The following TANC2 variants were observed in gnomAD, a reference collection of about 807,000 sequenced individuals.
TANC2 encodes the protein tetratricopeptide repeat, ankyrin repeat and coiled-coil containing 2.
TANC2 carries 26 observed loss-of-function variants against 210.5 expected under a neutral mutation model. That is an observed-to-expected ratio of 0.12 (90% CI 0.09 to 0.17). The LOEUF is 0.17. TANC2 is among the 10% of genes least tolerant of loss of function. The probability of loss-of-function intolerance (pLI) is 1.00; values close to 1 mark genes in which losing one functional copy is unlikely to be tolerated. For missense variants in TANC2, 2,129 were observed against 2,608.9 expected, an observed-to-expected ratio of 0.82 and a Z score of 4.01; for synonymous variants, 931 against 967.1, an observed-to-expected ratio of 0.96 and a Z score of 0.69.
chr17:63,307,781 T>G (rs2044973352), intron 9 of TANC2, among the ~76,000 whole-genome samples: 1 of 149,948 alleles, frequency 6.7e-6, no homozygotes, highest in African/African-American at 2.5e-5. Flanking sequence ...TTTTGTTGTT[T>G]TTGAGACAGA....
chr17:63,146,978 GCAA>G lies in TANC2; in HGVS notation c.323-4268_323-4266del, dbSNP rs564752153. On this transcript the variant is annotated intron_variant, in intron 4 of 27. Transcript: ENST00000689528. ...ATAACTTAGGACTCTTTAAAAAACA[GCAA>G]CAACAACAACAACAACAACAACACA... 3.2e-4 allele frequency among the ~76,000 whole-genome samples: 49 copies of G among 151,692 alleles called. 1 individual carries two copies. The highest frequency in any genetic ancestry group is 1.5e-3 in the South Asian group (7 of 4,802).
At chr17:63,197,307 T>C (rs962351420) in intron 6 of TANC2, among the ~76,000 whole-genome samples, 1 of 152,138 alleles carries the variant, frequency 6.6e-6, no homozygotes, top group Non-Finnish European at 1.5e-5. Context: ...TATACAAATT[T>C]AAAATATTAA....
intron 14 of TANC2, among the ~76,000 whole-genome samples, chr17:63,379,161 A>T (rs2047522590): frequency 6.6e-6 from 1 of 152,154 alleles, no homozygotes; most frequent in Non-Finnish European, 1.5e-5. Context: ...AAATCTTGTA[A>T]TGCCATCTGT....
chr17:63,358,543 C>T (rs2046857598), intron 14 of TANC2, among the ~76,000 whole-genome samples: 1 of 152,060 alleles, frequency 6.6e-6, no homozygotes, highest in Non-Finnish European at 1.5e-5. Flanking sequence ...TCTCTGTTTC[C>T]CACTGTTCAT....
chr17:63,279,644 A>T (rs1161052572), intron 9 of TANC2, among the ~76,000 whole-genome samples: 2 of 152,148 alleles, frequency 1.3e-5, no homozygotes, highest in African/African-American at 4.8e-5. Flanking sequence ...AGCACCTGTC[A>T]TATCACATAA....
chr17:63,420,826 G>A lies in TANC2; in HGVS notation c.5096G>A (p.Ser1699Asn). 1.2e-6 allele frequency: 2 copies of A among 1,613,990 alleles called. No individual in the cohort carries two copies. The highest frequency in any genetic ancestry group is 1.1e-5 in the South Asian group (1 of 91,082). Residue 1699 changes from serine to asparagine, a missense_variant, in exon 28 of 28, where the codon AGT becomes AAT. Ser to Asn is a conservative substitution (Grantham distance 46, BLOSUM62 1). Around this residue, in one of 5 missense-constraint regions of TANC2, gnomAD observed 584 missense variants for 627.3 expected, o/e 0.93. Coordinates refer to ENST00000689528, the Ensembl canonical transcript of TANC2. The surrounding 1 kb of genome is among the most constrained non-coding windows in gnomAD (Gnocchi z 4.2). Reference sequence around the variant, plus strand: ...CCTGCCAAGGCCCAGATTGTGAGAAGTAACCAGCCCAGCCCAGCCGTCCAT... The same window carrying A: ...CCTGCCAAGGCCCAGATTGTGAGAAATAACCAGCCCAGCCCAGCCGTCCAT...
At chr17:63,335,108 C>A (rs772448168) in intron 11 of TANC2, among the ~76,000 whole-genome samples, 1 of 152,186 alleles carries the variant, frequency 6.6e-6, no homozygotes, top group Non-Finnish European at 1.5e-5. Flanking sequence ...AATTACATTT[C>A]AGTCTGAGAT....
chr17:63,087,717 C>T (rs976410169), intron 3 of TANC2, among the ~76,000 whole-genome samples: 2 of 152,104 alleles, frequency 1.3e-5, no homozygotes, highest in Admixed American at 6.5e-5. Flanking sequence ...ACTGGGTCCC[C>T]TCAGAATTTT....
intron 3 of TANC2, among the ~76,000 whole-genome samples, chr17:63,082,371 C>G (rs1202621360): frequency 6.6e-6 from 1 of 152,072 alleles, no homozygotes; most frequent in Non-Finnish European, 1.5e-5. Context: ...AGAGTTGATA[C>G]ATTTTTTGTT....
At chr17:63,050,080 A>G (rs1480182500) in intron 2 of TANC2, among the ~76,000 whole-genome samples, 2 of 152,170 alleles carry the variant, frequency 1.3e-5, no homozygotes, top group Non-Finnish European at 2.9e-5. Context: ...GGCTGGGCAC[A>G]GTGGCTCACA....
chr17:63,252,499 A>G (rs1188044059), intron 8 of TANC2, among the ~76,000 whole-genome samples: 1 of 151,888 alleles, frequency 6.6e-6, no homozygotes, highest in Non-Finnish European at 1.5e-5. Context: ...CTGTCAAACT[A>G]TATTTTTGTA....
intron 4 of TANC2, among the ~76,000 whole-genome samples, chr17:63,145,601 A>T (rs2039437291): frequency 6.6e-6 from 1 of 152,126 alleles, no homozygotes; most frequent in African/African-American, 2.4e-5. Context: ...GACGTAAGAT[A>T]AGGATCTAAC....
intron 4 of TANC2, among the ~76,000 whole-genome samples, chr17:63,107,427 G>A (rs1021768105): frequency 4.6e-5 from 7 of 151,654 alleles, no homozygotes; most frequent in African/African-American, 1.7e-4. Context: ...TCATGAAGTA[G>A]ATGTTAACGA....
chr17:63,324,654 T>G (rs2045591094), intron 11 of TANC2, among the ~76,000 whole-genome samples: 1 of 152,236 alleles, frequency 6.6e-6, no homozygotes, highest in African/African-American at 2.4e-5. Flanking sequence ...AGGGCTTTTC[T>G]TCTCTAAAAA....
At chr17:63,263,360 A>G (rs1168982212) in intron 8 of TANC2, among the ~76,000 whole-genome samples, 1 of 152,224 alleles carries the variant, frequency 6.6e-6, no homozygotes, top group East Asian at 1.9e-4. Context: ...TAGAGCAGAC[A>G]GGACACATCC....
intron 7 of TANC2, among the ~76,000 whole-genome samples, chr17:63,216,676 C>A (rs1223416490): frequency 2.6e-5 from 4 of 152,064 alleles, no homozygotes; most frequent in Middle Eastern, 6.3e-3. Context: ...CAGTTGGTGT[C>A]CAGATAATTG....
rs372961801 is a variant in TANC2 at position 63,211,058 on chromosome 17, A to G, written c.769+10101A>G. On this transcript the variant is annotated intron_variant, in intron 7 of 27. Transcript: ENST00000689528. ...TTTCATCCTTCATAGCATTGCTTCA[A>G]TGGTCCTCATTATCTCAGACTTAGA... Among the ~76,000 whole-genome samples the G allele has an allele frequency of 5.2e-4, 79 of 152,152 alleles. 1 individual carries two copies. Among genetic ancestry groups the G allele is most frequent in the South Asian group, 5.0e-3 (24 of 4,814 alleles).
chr17:63,394,319 CCTT>C (rs1367081922), intron 17 of TANC2, among the ~76,000 whole-genome samples: 2 of 152,144 alleles, frequency 1.3e-5, no homozygotes, highest in Admixed American at 1.3e-4. Flanking sequence ...ATTGGGAACT[CCTT>C]CAAACTGATT....
intron 3 of TANC2, among the ~76,000 whole-genome samples, chr17:63,076,052 G>A (rs1028730547): frequency 2.6e-5 from 4 of 152,154 alleles, no homozygotes; most frequent in African/African-American, 9.7e-5. Flanking sequence ...AAACAACCTC[G>A]AGAGGTCTCA....
Sources: allele counts gnomAD v4.1 joint callset (sites outside exome capture counted in the v4.1 genomes callset), GRCh38; gene constraint gnomAD v4.1.1; regional missense constraint gnomAD v4.1.1; non-coding constraint Gnocchi (gnomAD v3.1); transcripts MANE v1.5; gene names NCBI Gene and HGNC (gene_info 2026-07-23, HGNC 2026-07-21).